CORO1C: variants seen among roughly 807,000 people sequenced by gnomAD.
The protein encoded by CORO1C is coronin 1C.
Under a neutral mutation model 51.2 loss-of-function variants are expected in CORO1C, and 14 were observed. That is an observed-to-expected ratio of 0.27 (90% confidence interval 0.18 to 0.43). The LOEUF is 0.43. CORO1C is among the 20% of genes least tolerant of loss of function. The pLI, the probability that CORO1C is intolerant of heterozygous loss-of-function variation, is 1.00. For missense variants in CORO1C, 417 were observed against 607.8 expected (o/e 0.69, Z 3.30); for synonymous variants, 181 against 210.5 (o/e 0.86, Z 1.21).
rs1409632475 is a variant in CORO1C, at chr12:108,645,272, C to T, written c.*2131G>A. 6.7e-6 allele frequency: 1 copy of T among 149,686 alleles called. No individual in the cohort carries two copies. Among genetic ancestry groups the T allele is most frequent in the Non-Finnish European group, 1.5e-5 (1 of 67,468 alleles). The allele number at this position is 149,686 out of a possible 1,614,324, so 9.3% of individuals were successfully genotyped here. A position where few individuals can be genotyped will look rare whatever the true frequency, so the allele number is the denominator to read the frequency against. On this transcript the variant is annotated 3_prime_UTR_variant, in exon 11 of 11. Coordinates refer to ENST00000261401, the MANE Select transcript of CORO1C (RefSeq NM_014325.4). ...AAAGACAAAACAGGAAAATAATCCA[C>T]AATGCTTTGGGCGCCTACTCTGAGC...
chr12:108,695,900 G>C (rs140023717), intron 2 of CORO1C, among the ~76,000 whole-genome samples: 1 of 132,960 alleles, frequency 7.5e-6, no homozygotes. Flanking sequence ...ATTTTCTGTA[G>C]AGCTAAATTC....
At position 108,728,297 on chromosome 12, in the gene CORO1C, A is replaced by G. The variant is rs556879224; in HGVS notation, c.-6+3132T>C. On this transcript the variant is annotated intron_variant, in intron 1 of 10. Transcript: ENST00000261401. ...ATGTTCATCAACTGATGAATGGATAAACAAAATACGGCATATCCAAACAAT... is the reference window on the plus strand; with the variant it reads ...ATGTTCATCAACTGATGAATGGATAGACAAAATACGGCATATCCAAACAAT... Among the ~76,000 whole-genome samples the G allele has an allele frequency of 1.6e-4, 25 of 152,308 alleles. No homozygotes were observed. In the East Asian group the frequency reaches 4.2e-3, roughly 26 times the overall value.
At chr12:108,668,441 T>C (rs1392372344) in intron 3 of CORO1C, 3 of 152,194 alleles carry the variant, frequency 2.0e-5, no homozygotes, top group Non-Finnish European at 2.9e-5. Flanking sequence ...GCAAAAACTA[T>C]ATTAGAAAGC....
At chr12:108,722,602 C>G (rs1304900147) in intron 1 of CORO1C, among the ~76,000 whole-genome samples, 2 of 152,158 alleles carry the variant, frequency 1.3e-5, no homozygotes, top group Non-Finnish European at 2.9e-5. Flanking sequence ...GGGAACGTAC[C>G]CACCACTTAC....
chr12:108,666,523 G>C (rs774260522), intron 3 of CORO1C, among the ~76,000 whole-genome samples: 12 of 152,176 alleles, frequency 7.9e-5, no homozygotes, highest in Non-Finnish European at 1.5e-4. Context: ...GTCATTATGT[G>C]GCTCTCTGCC....
chr12:108,723,139 A>T (rs1194321535), intron 1 of CORO1C, among the ~76,000 whole-genome samples: 3 of 152,188 alleles, frequency 2.0e-5, no homozygotes, highest in African/African-American at 7.2e-5. Flanking sequence ...AGATACTACT[A>T]ACCACAAAAT....
At chr12:108,712,718 A>T (rs2035219041) in intron 1 of CORO1C, among the ~76,000 whole-genome samples, 1 of 151,908 alleles carries the variant, frequency 6.6e-6, no homozygotes, top group Admixed American at 6.6e-5. Context: ...ACGTTGGCTC[A>T]CGCCTGCAAT....
At chr12:108,702,237 A>T (rs903256797) in intron 1 of CORO1C, among the ~76,000 whole-genome samples, 7 of 152,174 alleles carry the variant, frequency 4.6e-5, no homozygotes, top group Admixed American at 2.6e-4. Context: ...ATACAGCAGT[A>T]ACAGTTGGGA....
At chr12:108,728,374 C>A (rs2035639537) in intron 1 of CORO1C, among the ~76,000 whole-genome samples, 1 of 151,676 alleles carries the variant, frequency 6.6e-6, no homozygotes, top group South Asian at 2.1e-4. Flanking sequence ...TACAATACTA[C>A]CACACATATA....
At position 108,695,580 on chromosome 12, in the gene CORO1C, C is replaced by T. The variant is rs150690616; in HGVS notation, c.195+5544G>A. 6.4e-3 allele frequency among the ~76,000 whole-genome samples: 977 copies of T among 152,166 alleles called. 6 individuals carry two copies. The highest frequency in any genetic ancestry group is 1.0e-2 in the Non-Finnish European group (679 of 68,002). ...CTAAGAGAACCCAATGGATGAGTTC[C>T]TCTGTTTCAGTAAATAATCAAAGGC... On this transcript the variant is annotated intron_variant, in intron 2 of 10. Coordinates refer to ENST00000261401, the MANE Select transcript of CORO1C (RefSeq NM_014325.4).
At chr12:108,664,027 A>G (rs1314988145) in intron 3 of CORO1C, among the ~76,000 whole-genome samples, 1 of 152,320 alleles carries the variant, frequency 6.6e-6, no homozygotes, top group Admixed American at 6.5e-5. Flanking sequence ...GAAACAAACA[A>G]CCTCTAAGAA....
chr12:108,654,333 G>A lies in CORO1C; in HGVS notation c.828C>T (p.Asp276=). Residue 276 remains aspartate (D), a synonymous_variant, in exon 7 of 11, where the codon GAC becomes GAT. Transcript: ENST00000261401. ...NGVLLPFYDP[D]TSIIYLCGKG... Reference sequence around the variant, plus strand: ...TTCCACATAAGTAAATGATGCTGGTGTCAGGGTCATAGAAAGGCAGCAACA... The same window carrying A: ...TTCCACATAAGTAAATGATGCTGGTATCAGGGTCATAGAAAGGCAGCAACA... The A allele has an allele frequency of 6.2e-7, 1 of 1,611,902 alleles. No individual in the cohort carries two copies.
intron 1 of CORO1C, chr12:108,702,908 G>A: frequency 6.5e-7 from 1 of 1,535,560 alleles, no homozygotes; most frequent in Non-Finnish European, 8.7e-7. Flanking sequence ...TAGCCCAGCT[G>A]TTATTGCCAG....
chr12:108,679,562 C>A (rs10507231), intron 2 of CORO1C, among the ~76,000 whole-genome samples: 1 of 152,182 alleles, frequency 6.6e-6, no homozygotes, highest in Non-Finnish European at 1.5e-5. Context: ...CAGAAAGGAA[C>A]CACTGCAATG....
rs755602768 is a variant in CORO1C at position 108,648,986 on chromosome 12, T to C, written c.1036A>G (p.Ile346Val). The change falls in exon 9 of 11, where the codon ATT (isoleucine) becomes GTT (valine). Residue 346 changes from isoleucine to valine, a missense_variant. Ile to Val is a conservative substitution (Grantham distance 29). Transcript: ENST00000261401. ...FKLHERKCEP[I>V]IMTVPRKSDL... The stretch of plus-strand genomic sequence containing the variant: ...ACCTTCCTGGGAACAGTCATAATAA[T>C]AGGTTCACACTTTCTCTCATGAAGT... 6.2e-6 allele frequency: 10 copies of C among 1,614,044 alleles called. No individual in the cohort carries two copies. Among genetic ancestry groups the C allele is most frequent in the Admixed American group, 3.3e-5 (2 of 59,998 alleles).
In CORO1C at chr12:108,666,285, G is replaced by A. The variant is rs2033472825; in HGVS notation, c.319-4127C>T. ...AGGGAAAAAGCACCAGAGTGAAAAA[G>A]CTAATACTATAAGCACAAGGACTGC... On this transcript the variant is annotated intron_variant, in intron 3 of 10. Transcript: ENST00000261401. 2.0e-5 allele frequency among the ~76,000 whole-genome samples: 3 copies of A among 152,212 alleles called. No individual in the cohort carries two copies. The South Asian group carries it at 6.2e-4, about 32-fold the overall frequency.
chr12:108,679,109 CAAAAAAAA>C (rs1183326267), intron 2 of CORO1C, among the ~76,000 whole-genome samples: 1 of 22,160 alleles, frequency 4.5e-5, no homozygotes, highest in Non-Finnish European at 9.7e-5. Context: ...GACTCTGTCT[CAAAAAAAA>C]AAAAAAAAAA....
At chr12:108,652,569 T>A (rs980421636) in intron 7 of CORO1C, 152 bp from the exon 8 acceptor site, 2 of 630,282 alleles carry the variant, frequency 3.2e-6, no homozygotes, top group Non-Finnish European at 2.8e-6. Flanking sequence ...GCCTAAAGCA[T>A]ATAAAAGTTT....
rs78466702 is a variant in CORO1C at position 108,657,068 on chromosome 12, A to T, written c.750+236T>A. Among the ~76,000 whole-genome samples the T allele has an allele frequency of 1.7e-3, 259 of 152,208 alleles. 1 individual carries two copies. Among genetic ancestry groups the T allele is most frequent in the Non-Finnish European group, 2.8e-3 (188 of 68,000 alleles). Reference sequence around the variant, plus strand: ...AATAAAATTAAAATTAAAAAAAATTAAAAAAATAAAAAATATATAGTCAAC... The same window carrying T: ...AATAAAATTAAAATTAAAAAAAATTTAAAAAATAAAAAATATATAGTCAAC... On this transcript the variant is annotated intron_variant, in intron 6 of 10. Transcript: ENST00000261401.
Sources: allele counts gnomAD v4.1 joint callset (sites outside exome capture counted in the v4.1 genomes callset), GRCh38; gene constraint gnomAD v4.1.1; transcripts MANE v1.5; gene names NCBI Gene and HGNC (gene_info 2026-07-23, HGNC 2026-07-21).